FAF1: variants seen among roughly 807,000 people sequenced by gnomAD.
The protein encoded by FAF1 is FAS-associated factor 1.
Under a neutral mutation model 92.5 loss-of-function variants are expected in FAF1, and 25 were observed. The ratio of observed to expected loss-of-function variants is 0.27; its 90% confidence interval spans 0.20 to 0.38. The LOEUF is 0.38. FAF1 is among the 10% of genes least tolerant of loss of function. The probability of loss-of-function intolerance (pLI) is 1.00; values close to 1 mark genes in which losing one functional copy is unlikely to be tolerated. For synonymous variants in FAF1, 234 were observed against 273.2 expected (o/e 0.86, Z 1.42); for missense variants, 636 against 793.3 (o/e 0.80, Z 2.38).
intron 18 of FAF1, among the ~76,000 whole-genome samples, chr1:50,453,345 T>C (rs1318884125): frequency 2.0e-5 from 3 of 152,224 alleles, no homozygotes; most frequent in African/African-American, 7.2e-5. Flanking sequence ...GGTGTGTGCA[T>C]TGCTCTGCAC....
At chr1:50,855,597 G>A (rs1644384961) in intron 2 of FAF1, among the ~76,000 whole-genome samples, 1 of 151,760 alleles carries the variant, frequency 6.6e-6, no homozygotes, top group Admixed American at 6.6e-5. Flanking sequence ...ATCACATAAA[G>A]TTCCATGATG....
chr1:50,866,243 A>G (rs1019028022), intron 1 of FAF1, among the ~76,000 whole-genome samples: 1 of 152,130 alleles, frequency 6.6e-6, no homozygotes, highest in Non-Finnish European at 1.5e-5. Flanking sequence ...CTGAAGTTCC[A>G]GGAAAAGCTG....
At chr1:50,704,563 C>A (rs765739022) in intron 7 of FAF1, among the ~76,000 whole-genome samples, 20 of 152,024 alleles carry the variant, frequency 1.3e-4, no homozygotes, top group African/African-American at 2.4e-4. Context: ...AACATTATTT[C>A]TACCATAAAA....
At chr1:50,748,663 C>T (rs575971162) in intron 4 of FAF1, among the ~76,000 whole-genome samples, 14 of 152,158 alleles carry the variant, frequency 9.2e-5, no homozygotes, top group African/African-American at 1.9e-4. Flanking sequence ...TCTGGCACTA[C>T]ACTATTTTAA....
At chr1:50,743,501 CATTTTTAGT>C (rs147982975) in intron 5 of FAF1, among the ~76,000 whole-genome samples, 9,965 of 151,444 alleles carry the variant, frequency 0.066, 401 homozygotes, top group East Asian at 0.091. Context: ...CTAATTTTTG[CATTTTTAGT>C]AGAGATGGGG....
At chr1:50,597,809 G>A (rs1651902653) in intron 8 of FAF1, among the ~76,000 whole-genome samples, 1 of 152,148 alleles carries the variant, frequency 6.6e-6, no homozygotes, top group African/African-American at 2.4e-5. Context: ...ACAAAATTAA[G>A]TAAATTTGTT....
intron 2 of FAF1, among the ~76,000 whole-genome samples, chr1:50,852,889 G>C (rs955333209): frequency 6.6e-6 from 1 of 152,138 alleles, no homozygotes; most frequent in East Asian, 1.9e-4. Flanking sequence ...ATGGTTGTCA[G>C]GTTAAAAAAC....
At chr1:50,935,425 T>A (rs1201972560) in intron 1 of FAF1, among the ~76,000 whole-genome samples, 1 of 151,934 alleles carries the variant, frequency 6.6e-6, no homozygotes, top group Non-Finnish European at 1.5e-5. Flanking sequence ...CCTCCCAAAG[T>A]GCTGGGCTTA....
At chr1:50,902,774 T>C (rs1200303316) in intron 1 of FAF1, among the ~76,000 whole-genome samples, 2 of 152,216 alleles carry the variant, frequency 1.3e-5, no homozygotes, top group East Asian at 3.8e-4. Context: ...GTAAATGATA[T>C]GTAAGTAGCT....
chr1:50,664,497 A>G (rs1655533088), intron 7 of FAF1, among the ~76,000 whole-genome samples: 1 of 151,542 alleles, frequency 6.6e-6, no homozygotes. Context: ...CATATAAAAC[A>G]ACTAAACAGA....
intron 2 of FAF1, among the ~76,000 whole-genome samples, chr1:50,818,251 G>A (rs1321241319): frequency 6.6e-6 from 1 of 152,118 alleles, no homozygotes; most frequent in African/African-American, 2.4e-5. Flanking sequence ...CCAAATAATG[G>A]CAAGGATTTG....
intron 1 of FAF1, among the ~76,000 whole-genome samples, chr1:50,861,534 A>C (rs899461882): frequency 6.6e-6 from 1 of 151,802 alleles, no homozygotes; most frequent in Non-Finnish European, 1.5e-5. Flanking sequence ...AATGACAGAC[A>C]CTGGAGACTC....
At chr1:50,602,496 A>G (rs951606653) in intron 8 of FAF1, among the ~76,000 whole-genome samples, 2 of 151,518 alleles carry the variant, frequency 1.3e-5, no homozygotes, top group Admixed American at 6.6e-5. Flanking sequence ...CCTCATATAA[A>G]GTATTGCTTT....
chr1:50,564,032 G>C (rs531923472), intron 13 of FAF1, among the ~76,000 whole-genome samples: 1 of 152,184 alleles, frequency 6.6e-6, no homozygotes, highest in Non-Finnish European at 1.5e-5. Context: ...CTCATATTCT[G>C]GTGACTTCAT....
intron 1 of FAF1, among the ~76,000 whole-genome samples, chr1:50,899,209 T>C (rs938936598): frequency 5.3e-5 from 8 of 152,220 alleles, no homozygotes; most frequent in African/African-American, 1.9e-4. Context: ...CATCTGAAGA[T>C]GTTTGATTTA....
intron 8 of FAF1, among the ~76,000 whole-genome samples, chr1:50,598,344 T>G (rs1403463735): frequency 2.0e-5 from 3 of 151,286 alleles, no homozygotes; most frequent in African/African-American, 4.9e-5. Context: ...ACACCCATAG[T>G]CCAGCTACTA....
chr1:50,948,115 A>G (rs1022966180), intron 1 of FAF1, among the ~76,000 whole-genome samples: 1 of 152,246 alleles, frequency 6.6e-6, no homozygotes, highest in East Asian at 1.9e-4. Flanking sequence ...ACAAGGTATG[A>G]ATGTTACAAG....
intron 2 of FAF1, among the ~76,000 whole-genome samples, chr1:50,813,799 C>T (rs551514483): frequency 1.3e-5 from 2 of 151,692 alleles, no homozygotes; most frequent in South Asian, 2.1e-4. Flanking sequence ...AATAAATCCA[C>T]AGCTTCATTT....
intron 15 of FAF1, among the ~76,000 whole-genome samples, chr1:50,496,030 C>G (rs1328013189): frequency 6.6e-6 from 1 of 151,122 alleles, no homozygotes; most frequent in Non-Finnish European, 1.5e-5. Context: ...ATGGTTCCCA[C>G]AGTAAGAATT....
Sources: allele counts gnomAD v4.1 joint callset (sites outside exome capture counted in the v4.1 genomes callset), GRCh38; gene constraint gnomAD v4.1.1; transcripts MANE v1.5; gene names NCBI Gene and HGNC (gene_info 2026-07-23, HGNC 2026-07-21).